HS3ST3A1: variants seen among roughly 807,000 people sequenced by gnomAD.
HS3ST3A1 encodes heparan sulfate glucosamine 3-O-sulfotransferase 3A1.
HS3ST3A1 carries 19 observed loss-of-function variants against 25.7 expected under a neutral mutation model. That is an observed-to-expected ratio of 0.74 (90% confidence interval 0.52 to 1.08). HS3ST3A1 has a LOEUF of 1.08. Ranked by LOEUF, HS3ST3A1 falls within the 50% of genes least tolerant of loss-of-function variation. The probability of loss-of-function intolerance (pLI) is 0.00; values close to 1 mark genes in which losing one functional copy is unlikely to be tolerated. For synonymous variants in HS3ST3A1, 226 were observed against 278.6 expected (o/e 0.81, Z 1.88); for missense variants, 459 against 594.3 (o/e 0.77, Z 2.37).
chr17:13,550,733 A>T (rs754421803), intron 1 of HS3ST3A1, among the ~76,000 whole-genome samples: 1 of 152,050 alleles, frequency 6.6e-6, no homozygotes, highest in Non-Finnish European at 1.5e-5. Context: ...AACAACAACA[A>T]CAAAACAGAT....
chr17:13,553,797 TTC>T (rs1477076781), intron 1 of HS3ST3A1, among the ~76,000 whole-genome samples: 3 of 152,182 alleles, frequency 2.0e-5, no homozygotes, highest in Non-Finnish European at 2.9e-5. Flanking sequence ...CCTAATCCCC[TTC>T]TCTCACACAT....
intron 1 of HS3ST3A1, among the ~76,000 whole-genome samples, chr17:13,596,488 A>G (rs943891816): frequency 9.9e-5 from 15 of 150,922 alleles, no homozygotes; most frequent in African/African-American, 2.7e-4. Flanking sequence ...CTGGTTGTCT[A>G]TTGGGGATGA....
chr17:13,498,147 A>C (rs1214939385), intron 1 of HS3ST3A1, among the ~76,000 whole-genome samples: 1 of 152,176 alleles, frequency 6.6e-6, no homozygotes, highest in African/African-American at 2.4e-5. Context: ...AGATTATTTT[A>C]AAGTCATTCA....
chr17:13,587,063 C>G (rs1261910268), intron 1 of HS3ST3A1, among the ~76,000 whole-genome samples: 1 of 151,528 alleles, frequency 6.6e-6, no homozygotes, highest in Non-Finnish European at 1.5e-5. Flanking sequence ...TTTAAGGTAA[C>G]TACTAGAAAG....
In HS3ST3A1 at chr17:13,496,817, C is replaced by T. The variant is rs142811064; in HGVS notation, c.601G>A (p.Asp201Asn). The T allele has an allele frequency of 1.3e-4, 204 of 1,609,266 alleles. No individual in the cohort carries two copies. Among genetic ancestry groups the T allele is most frequent in the South Asian group, 7.2e-4 (65 of 90,366 alleles). Residue 201 changes from aspartate to asparagine, a missense_variant and splice_region_variant, in exon 2 of 2, where the codon GAC (aspartate) becomes AAC (asparagine). By Grantham distance (23) the Asp-to-Asn change is conservative (BLOSUM62 1). Coordinates refer to ENST00000284110, the MANE Select transcript of HS3ST3A1 (RefSeq NM_006042.3). ...SYDKGLAWYR[D>N]LMPRTLDGQI... is the part of the protein sequence containing the mutation. The stretch of plus-strand genomic sequence containing the variant: ...CCGTCCAGGGTTCTGGGCATCAGGT[C>T]CCTGAGAAACGCAAAAAGGCATGTC...
In HS3ST3A1 at chr17:13,547,942, GCCA is replaced by G. The variant is rs1471296064; in HGVS notation, c.600-51127_600-51125del. On this transcript the variant is annotated intron_variant, in intron 1 of 1. Coordinates refer to ENST00000284110, the MANE Select transcript of HS3ST3A1 (RefSeq NM_006042.3). The stretch of plus-strand genomic sequence containing the variant: ...AGAGTTGGAGAATTGGTTGGTGTGA[GCCA>G]AAAAAAAAAAAAAAAAAACCACACG... Among the ~76,000 whole-genome samples the G allele has an allele frequency of 5.0e-3, 545 of 108,752 alleles. 3 individuals are homozygous for G. Among genetic ancestry groups the G allele is most frequent in the East Asian group, 0.01 (36 of 3,540 alleles). The allele number at this position is 108,752 out of a possible 152,430, so 71.3% of individuals were successfully genotyped here.
intron 1 of HS3ST3A1, among the ~76,000 whole-genome samples, chr17:13,550,472 G>A (rs1260695959): frequency 6.6e-6 from 1 of 152,064 alleles, no homozygotes; most frequent in Middle Eastern, 3.2e-3. Flanking sequence ...TGCTGGAATG[G>A]AGCTGAGCCC....
chr17:13,508,963 A>ATT (rs111659579), intron 1 of HS3ST3A1, among the ~76,000 whole-genome samples: 4 of 143,506 alleles, frequency 2.8e-5, no homozygotes, highest in African/African-American at 5.1e-5. Context: ...CATCTCTTTA[A>ATT]TTTTTTTTTT....
At chr17:13,503,601 T>C (rs1044722526) in intron 1 of HS3ST3A1, among the ~76,000 whole-genome samples, 2 of 152,192 alleles carry the variant, frequency 1.3e-5, no homozygotes, top group Admixed American at 1.3e-4. Flanking sequence ...ATAAAGTAAG[T>C]AATCAATAAA....
Position 13,494,394 on chromosome 17 carries a change from C to T in HS3ST3A1, c.*1803G>A. ...TGGAGCAATGACAAAATATCTAACA[C>T]TTAAAATATTTTTTCCTTCATTTTA... On this transcript the variant is annotated 3_prime_UTR_variant, in exon 2 of 2. Transcript: ENST00000284110. Among the ~76,000 whole-genome samples, 1 of 152,176 alleles carries T rather than the reference C, an allele frequency of 6.6e-6. No individual in the cohort carries two copies. The highest frequency in any genetic ancestry group is 1.9e-4 in the East Asian group (1 of 5,198).
At chr17:13,584,766 C>T (rs371100099) in intron 1 of HS3ST3A1, among the ~76,000 whole-genome samples, 37 of 152,256 alleles carry the variant, frequency 2.4e-4, no homozygotes, top group African/African-American at 8.2e-4. Context: ...GTTTTATTCA[C>T]GTGGATAACT....
intron 1 of HS3ST3A1, among the ~76,000 whole-genome samples, chr17:13,548,659 T>C (rs898614725): frequency 2.0e-5 from 3 of 152,130 alleles, no homozygotes; most frequent in African/African-American, 7.2e-5. Flanking sequence ...TTGGAGAACT[T>C]TTCTGTCTAG....
chr17:13,511,100 C>A (rs1027016882), intron 1 of HS3ST3A1, among the ~76,000 whole-genome samples: 1 of 152,148 alleles, frequency 6.6e-6, no homozygotes, highest in African/African-American at 2.4e-5. Flanking sequence ...GTAAAACCAT[C>A]CATCCAATAG....
chr17:13,564,072 G>C (rs555621761), intron 1 of HS3ST3A1, among the ~76,000 whole-genome samples: 10 of 152,324 alleles, frequency 6.6e-5, no homozygotes, highest in Non-Finnish European at 1.2e-4. Context: ...GATTAGATGG[G>C]TTTTAGGAAG....
At chr17:13,542,748 C>T (rs918151212) in intron 1 of HS3ST3A1, among the ~76,000 whole-genome samples, 3 of 152,054 alleles carry the variant, frequency 2.0e-5, no homozygotes, top group Non-Finnish European at 4.4e-5. Flanking sequence ...TGACTGGTGG[C>T]TGGGGGCTCC....
At chr17:13,534,854 C>T (rs140128930) in intron 1 of HS3ST3A1, among the ~76,000 whole-genome samples, 75 of 152,102 alleles carry the variant, frequency 4.9e-4, no homozygotes, top group Non-Finnish European at 8.1e-4. Flanking sequence ...GGAGAAACCA[C>T]GTCTCTACTA....
At chr17:13,561,379 C>A in intron 1 of HS3ST3A1, among the ~76,000 whole-genome samples, 1 of 151,420 alleles carries the variant, frequency 6.6e-6, no homozygotes. Context: ...CCTGAGATAC[C>A]AGATCATTCT....
At chr17:13,542,247 A>G (rs1906955976) in intron 1 of HS3ST3A1, among the ~76,000 whole-genome samples, 1 of 151,546 alleles carries the variant, frequency 6.6e-6, no homozygotes, top group East Asian at 2.0e-4. Context: ...GAATCACTTG[A>G]ACTCGGGAGA....
In HS3ST3A1 at chr17:13,495,319, A is replaced by G; in HGVS notation, c.*878T>C. Among the ~76,000 whole-genome samples, 1 of 152,170 alleles carries G rather than the reference A, an allele frequency of 6.6e-6. No homozygotes were observed. Among genetic ancestry groups the G allele is most frequent in the Non-Finnish European group, 1.5e-5 (1 of 68,028 alleles). On this transcript the variant is annotated 3_prime_UTR_variant, in exon 2 of 2. Transcript: ENST00000284110. The stretch of plus-strand genomic sequence containing the variant: ...ATTTCCATATCTCAGTGTACTTTAA[A>G]TAGCCAAGAGGCAAGACTGGCTCTT...
Sources: allele counts gnomAD v4.1 joint callset (sites outside exome capture counted in the v4.1 genomes callset), GRCh38; gene constraint gnomAD v4.1.1; transcripts MANE v1.5; gene names NCBI Gene and HGNC (gene_info 2026-07-23, HGNC 2026-07-21).